The following RANBP2 variants were observed in gnomAD, a reference collection of about 807,000 sequenced individuals.
RANBP2 encodes the protein RAN binding protein 2, also known as E3 SUMO-protein ligase RanBP2.
RANBP2 carries 57 observed loss-of-function variants against 303.6 expected under a neutral mutation model. That is an observed-to-expected ratio of 0.19 (90% CI 0.15 to 0.23). The LOEUF (loss-of-function observed/expected upper bound fraction) is 0.23, where lower values mean the gene tolerates loss of function less well. RANBP2 is among the 10% of genes least tolerant of loss of function. The probability of loss-of-function intolerance (pLI) is 1.00; values close to 1 mark genes in which losing one functional copy is unlikely to be tolerated. For synonymous variants in RANBP2, 1,167 were observed against 1,301.5 expected, an observed-to-expected ratio of 0.90 and a Z score of 2.23; for missense variants, 3,138 against 3,780.8, an observed-to-expected ratio of 0.83 and a Z score of 4.46.
chr2:109,406,849 G>A, the RANBP2 span, among the ~76,000 whole-genome samples: 3 of 152,056 alleles, frequency 2.0e-5, no homozygotes, highest in African/African-American at 7.3e-5. Flanking sequence ...TTCAGTGGTC[G>A]AAGCCAATCT....
chr2:109,642,815 T>C, the RANBP2 span, among the ~76,000 whole-genome samples: 6 of 152,062 alleles, frequency 3.9e-5, no homozygotes, highest in African/African-American at 1.4e-4. Flanking sequence ...GAATGCTTGG[T>C]TCCAGCATAG....
At chr2:109,126,508 C>T in the RANBP2 span, among the ~76,000 whole-genome samples, 28 of 152,318 alleles carry the variant, frequency 1.8e-4, no homozygotes, top group Middle Eastern at 3.4e-3. Flanking sequence ...CCAAGGCACA[C>T]GGGTCCAAAG....
the RANBP2 span, among the ~76,000 whole-genome samples, chr2:109,579,809 T>C: frequency 6.6e-6 from 1 of 151,850 alleles, no homozygotes; most frequent in African/African-American, 2.4e-5. Context: ...GCTAACACAA[T>C]CTTGATTTAA....
At chr2:109,338,719 G>A in the RANBP2 span, among the ~76,000 whole-genome samples, 1 of 152,092 alleles carries the variant, frequency 6.6e-6, no homozygotes, top group Non-Finnish European at 1.5e-5. Context: ...CACCACGCCC[G>A]ACTAATTTGT....
At chr2:109,305,997 T>C in the RANBP2 span, among the ~76,000 whole-genome samples, 2 of 152,202 alleles carry the variant, frequency 1.3e-5, no homozygotes, top group Non-Finnish European at 2.9e-5. Flanking sequence ...GATCTGGGCA[T>C]TACAGAGCTA....
the RANBP2 span, among the ~76,000 whole-genome samples, chr2:109,226,226 G>A: frequency 6.6e-6 from 1 of 152,192 alleles, no homozygotes; most frequent in African/African-American, 2.4e-5. Context: ...AAGGAACTTA[G>A]AGAAAGACTG....
the RANBP2 span, among the ~76,000 whole-genome samples, chr2:109,546,969 A>C: frequency 1.8e-4 from 28 of 152,332 alleles, no homozygotes; most frequent in East Asian, 1.5e-3. Flanking sequence ...GGCAACTAAG[A>C]AGCAGCAGAT....
chr2:109,100,754 A>C, the RANBP2 span, among the ~76,000 whole-genome samples: 1 of 152,194 alleles, frequency 6.6e-6, no homozygotes, highest in Non-Finnish European at 1.5e-5. Context: ...AAATAATGTA[A>C]GAAAAAGGGA....
the RANBP2 span, among the ~76,000 whole-genome samples, chr2:109,143,951 A>G: frequency 6.6e-6 from 1 of 152,250 alleles, no homozygotes; most frequent in Non-Finnish European, 1.5e-5. Context: ...CCACAGACAC[A>G]GAAAGGCAAA....
At chr2:109,511,590 G>T in the RANBP2 span, among the ~76,000 whole-genome samples, 1 of 152,222 alleles carries the variant, frequency 6.6e-6, no homozygotes, top group Admixed American at 6.5e-5. Context: ...ATCACCTGCA[G>T]AAGGTGGGAG....
At chr2:109,275,866 G>T in the RANBP2 span, among the ~76,000 whole-genome samples, 1 of 152,136 alleles carries the variant, frequency 6.6e-6, no homozygotes, top group Non-Finnish European at 1.5e-5. Context: ...AGGTCGGTTG[G>T]TTTTTTGAGT....
chr2:109,283,659 G>GA, the RANBP2 span, among the ~76,000 whole-genome samples: 33 of 152,338 alleles, frequency 2.2e-4, no homozygotes, highest in African/African-American at 7.7e-4. Context: ...TGCACATGGG[G>GA]ACCTGGAAGC....
chr2:109,449,143 C>T, the RANBP2 span: 2 of 1,606,326 alleles, frequency 1.2e-6, no homozygotes, highest in Admixed American at 1.7e-5. Context: ...ACCTTTCAAC[C>T]TGCTGTCTCT....
the RANBP2 span, among the ~76,000 whole-genome samples, chr2:108,912,437 C>T: frequency 6.6e-6 from 1 of 152,192 alleles, no homozygotes; most frequent in East Asian, 1.9e-4. Context: ...CCGCTATGCC[C>T]CCGCCTTCAC....
chr2:108,907,717 G>A, the RANBP2 span: 2 of 917,778 alleles, frequency 2.2e-6, no homozygotes, highest in Non-Finnish European at 3.5e-6. Context: ...CTGTGAACTT[G>A]TCACTGTCCA....
chr2:109,060,295 G>T, the RANBP2 span, among the ~76,000 whole-genome samples: 2 of 152,288 alleles, frequency 1.3e-5, no homozygotes, highest in South Asian at 4.1e-4. Flanking sequence ...GTTGGTAACC[G>T]AATACAGGTG....
chr2:108,864,116 G>C, the RANBP2 span, among the ~76,000 whole-genome samples: 6 of 151,722 alleles, frequency 4.0e-5, no homozygotes, highest in Non-Finnish European at 5.9e-5. Context: ...CAACTTTTAA[G>C]TTTGTGTTAT....
the RANBP2 span, among the ~76,000 whole-genome samples, chr2:109,343,931 A>T: frequency 6.6e-6 from 1 of 151,862 alleles, no homozygotes; most frequent in East Asian, 1.9e-4. Context: ...ATTTTTAGAG[A>T]TAGGGTCTCA....
intron 23 of RANBP2, among the ~76,000 whole-genome samples, chr2:108,773,444 T>C (rs1008719567): frequency 2.0e-5 from 3 of 152,102 alleles, no homozygotes; most frequent in African/African-American, 7.2e-5. Context: ...TAATCAGCTA[T>C]GGCCAGGAAA....
Sources: gnomAD v4.1 joint callset for allele counts (sites outside exome capture counted in the v4.1 genomes callset) on GRCh38, gnomAD v4.1.1 for gene constraint, MANE v1.5 for transcripts, NCBI Gene and HGNC (gene_info 2026-07-23, HGNC 2026-07-21) for gene names.